Variants in TSPAN9 observed in about 807,000 individuals in gnomAD.
TSPAN9 encodes tetraspanin 9, also known as tetraspanin-9.
TSPAN9 carries 16 observed loss-of-function variants against 31.0 expected under a neutral mutation model. The observed-to-expected ratio is 0.52, with a 90% CI of 0.35 to 0.78. TSPAN9 has a LOEUF of 0.78. Among genes scored for constraint, TSPAN9 ranks in the 30% least tolerant of loss-of-function variants. The probability of loss-of-function intolerance (pLI) is 0.01; values close to 1 mark genes in which losing one functional copy is unlikely to be tolerated. For missense variants in TSPAN9, 272 were observed against 312.5 expected, an observed-to-expected ratio of 0.87 and a Z score of 0.98; for synonymous variants, 145 against 121.6, an observed-to-expected ratio of 1.19 and a Z score of -1.27.
chr12:3,153,510 A>T (rs1041427734), intron 2 of TSPAN9, among the ~76,000 whole-genome samples: 1 of 152,042 alleles, frequency 6.6e-6, no homozygotes, highest in African/African-American at 2.4e-5. Context: ...TTTCTTTAAC[A>T]TTTTACTATA....
intron 2 of TSPAN9, among the ~76,000 whole-genome samples, chr12:3,111,329 A>G (rs1184040241): frequency 6.6e-6 from 1 of 152,174 alleles, no homozygotes; most frequent in Non-Finnish European, 1.5e-5. Context: ...ATAGTTGGAT[A>G]TAGAGGAAGG....
rs182614531 is a variant in TSPAN9 at position 3,273,514 on chromosome 12, T to C, written c.64-4907T>C. 4.1e-4 allele frequency among the ~76,000 whole-genome samples: 62 copies of C among 152,316 alleles called. 1 individual carries two copies. In the East Asian group the frequency reaches 0.011, roughly 28 times the overall value. On this transcript the variant is annotated intron_variant, in intron 3 of 8. Transcript: ENST00000011898. ...TGCCTCACCCCAGATTGTCCCATCG[T>C]GGGCTAGATTATAGCTCAGTCATCT...
chr12:3,251,258 G>A (rs1009954962), intron 3 of TSPAN9, among the ~76,000 whole-genome samples: 9 of 152,252 alleles, frequency 5.9e-5, no homozygotes, highest in African/African-American at 1.9e-4. Context: ...GCTTGCACCC[G>A]CTGTGTGCCG....
At chr12:3,276,019 G>T (rs1450083471) in intron 3 of TSPAN9, among the ~76,000 whole-genome samples, 1 of 152,110 alleles carries the variant, frequency 6.6e-6, no homozygotes, top group Non-Finnish European at 1.5e-5. Context: ...CCGCTCCTCC[G>T]TAGCCTCCTG....
chr12:3,199,869 G>C (rs1041529103), intron 2 of TSPAN9: 1 of 152,364 alleles, frequency 6.6e-6, no homozygotes, highest in African/African-American at 2.4e-5. Context: ...CATGGAGGGG[G>C]GCGTGTGTGT....
intron 2 of TSPAN9, among the ~76,000 whole-genome samples, chr12:3,186,921 T>C (rs9788171): frequency 0.43 from 65,224 of 151,998 alleles, 14,138 homozygotes; most frequent in East Asian, 0.5. Context: ...AGTTGTTTGC[T>C]GGAGCCTACT....
chr12:3,207,847 C>T (rs1379775940), intron 3 of TSPAN9, among the ~76,000 whole-genome samples: 1 of 152,180 alleles, frequency 6.6e-6, no homozygotes, highest in Non-Finnish European at 1.5e-5. Flanking sequence ...TCTTTCCACT[C>T]CAGGGGTTCT....
chr12:3,249,325 G>T (rs1862202521), intron 3 of TSPAN9, among the ~76,000 whole-genome samples: 2 of 152,114 alleles, frequency 1.3e-5, no homozygotes. Flanking sequence ...GTCACTTCCT[G>T]TCCCACTTCC....
At chr12:3,210,312 A>G (rs556472995) in intron 3 of TSPAN9, among the ~76,000 whole-genome samples, 3 of 152,210 alleles carry the variant, frequency 2.0e-5, no homozygotes, top group Non-Finnish European at 4.4e-5. Context: ...ATCAGTGGAC[A>G]TTCCCACCAG....
intron 3 of TSPAN9, among the ~76,000 whole-genome samples, chr12:3,205,754 C>T (rs2098374803): frequency 6.6e-6 from 1 of 150,966 alleles, no homozygotes; most frequent in Non-Finnish European, 1.5e-5. Context: ...GTGAGGGGTT[C>T]AGGCTGTCTT....
intron 2 of TSPAN9, among the ~76,000 whole-genome samples, chr12:3,153,884 CTCTG>C (rs1288338997): frequency 4.2e-4 from 63 of 151,474 alleles, no homozygotes; most frequent in African/African-American, 1.2e-3. Flanking sequence ...GTGGATGTAT[CTCTG>C]TCTGTTTCTC....
chr12:3,272,007 C>G (rs1170938689), intron 3 of TSPAN9, among the ~76,000 whole-genome samples: 1 of 152,222 alleles, frequency 6.6e-6, no homozygotes, highest in Non-Finnish European at 1.5e-5. Context: ...TCCACATCCA[C>G]TAATTTATTA....
rs1591660704 is a variant in TSPAN9, at chr12:3,175,017, T to TTATTTTCTGAGGAGGTGGCCAGGA, written c.-17-26160_-17-26159insTATTTTCTGAGGAGGTGGCCAGGA. Among the ~76,000 whole-genome samples the TTATTTTCTGAGGAGGTGGCCAGGA allele has an allele frequency of 2.6e-5, 4 of 152,082 alleles. No homozygotes were observed. In the East Asian group the frequency reaches 7.7e-4, roughly 29 times the overall value. On this transcript the variant is annotated intron_variant, in intron 2 of 8. Coordinates refer to ENST00000011898, the MANE Select transcript of TSPAN9 (RefSeq NM_006675.5). Reference sequence around the variant, plus strand: ...CTTATTTTCTGAGGAGGTGGCCAGGTGAACTGGTGAGGCTTTTGTCCGCAG... The same window carrying TTATTTTCTGAGGAGGTGGCCAGGA: ...CTTATTTTCTGAGGAGGTGGCCAGGTTATTTTCTGAGGAGGTGGCCAGGAGAACTGGTGAGGCTTTTGTCCGCAG...
chr12:3,267,010 A>G (rs1343953292), intron 3 of TSPAN9, among the ~76,000 whole-genome samples: 3 of 152,180 alleles, frequency 2.0e-5, no homozygotes, highest in Non-Finnish European at 4.4e-5. Context: ...CCCTCATTAC[A>G]TTATTGAAAG....
At chr12:3,236,331 A>C (rs2098393709) in intron 3 of TSPAN9, among the ~76,000 whole-genome samples, 1 of 152,196 alleles carries the variant, frequency 6.6e-6, no homozygotes. Flanking sequence ...GGGAGTGACA[A>C]ACACTTGGTA....
chr12:3,258,086 C>T (rs1250422774), intron 3 of TSPAN9, among the ~76,000 whole-genome samples: 1 of 152,134 alleles, frequency 6.6e-6, no homozygotes, highest in East Asian at 1.9e-4. Context: ...GATTTGGGCT[C>T]CACTCATGGG....
Position 3,283,178 on chromosome 12 carries a change from TTG to T in TSPAN9, c.*66_*67del. ...CCTGTGGAGGGAAGAGGATTGAGCT[TTG>T]TGTCACCTGCCTGCGCTCTCCAGAT... On this transcript the variant is annotated 3_prime_UTR_variant, in exon 9 of 9. Transcript: ENST00000011898. 6.4e-7 allele frequency: 1 copy of T among 1,565,456 alleles called. No individual in the cohort carries two copies. The highest frequency in any genetic ancestry group is 8.7e-7 in the Non-Finnish European group (1 of 1,149,704).
At chr12:3,278,108 C>A (rs879272850) in intron 3 of TSPAN9, among the ~76,000 whole-genome samples, 1 of 152,228 alleles carries the variant, frequency 6.6e-6, no homozygotes, top group South Asian at 2.1e-4. Flanking sequence ...GTGTCCAGTA[C>A]CTTCCACGTA....
intron 2 of TSPAN9, among the ~76,000 whole-genome samples, chr12:3,184,310 C>T (rs528712400): frequency 6.6e-6 from 1 of 151,924 alleles, no homozygotes; most frequent in East Asian, 1.9e-4. Flanking sequence ...AAGTGGGAGG[C>T]TCACTTGAAC....
Sources: gnomAD v4.1 joint callset for allele counts (sites outside exome capture counted in the v4.1 genomes callset) on GRCh38, gnomAD v4.1.1 for gene constraint, MANE v1.5 for transcripts, NCBI Gene and HGNC (gene_info 2026-07-23, HGNC 2026-07-21) for gene names.